The following FHIT variants were observed in gnomAD, a reference collection of about 807,000 sequenced individuals.
FHIT encodes the protein fragile histidine triad diadenosine triphosphatase.
Under a neutral mutation model 17.9 loss-of-function variants are expected in FHIT, and 19 were observed. The observed-to-expected ratio is 1.06, with a 90% CI of 0.74 to 1.56. FHIT has a LOEUF of 1.56. Ranked by LOEUF, FHIT falls within the 40% of genes most tolerant of loss-of-function variation. The pLI, the probability that FHIT is intolerant of heterozygous loss-of-function variation, is 0.00. For missense variants in FHIT, 248 were observed against 189.2 expected (o/e 1.31, Z -1.82); for synonymous variants, 81 against 69.7 (o/e 1.16, Z -0.81).
At chr3:60,351,271 A>G (rs1161775770) in intron 5 of FHIT, among the ~76,000 whole-genome samples, 2 of 152,166 alleles carry the variant, frequency 1.3e-5, no homozygotes, top group Non-Finnish European at 2.9e-5. Flanking sequence ...TTTGACTGAT[A>G]TTTATTTTTT....
chr3:61,052,254 T>A (rs556907770), intron 2 of FHIT, among the ~76,000 whole-genome samples: 1 of 152,230 alleles, frequency 6.6e-6, no homozygotes, highest in African/African-American at 2.4e-5. Context: ...ACTCTGCAGA[T>A]GTACCTATAA....
chr3:61,172,983 G>C (rs990083512), intron 2 of FHIT, among the ~76,000 whole-genome samples: 1 of 152,154 alleles, frequency 6.6e-6, no homozygotes, highest in Non-Finnish European at 1.5e-5. Context: ...CCCTCCACCT[G>C]CAATGAAACA....
At chr3:60,349,348 GAGA>G (rs1376887570) in intron 5 of FHIT, among the ~76,000 whole-genome samples, 1 of 152,078 alleles carries the variant, frequency 6.6e-6, no homozygotes, top group Non-Finnish European at 1.5e-5. Flanking sequence ...CGGATTTTGT[GAGA>G]AGGACAGACA....
At chr3:60,546,508 A>G (rs1159768211) in intron 4 of FHIT, among the ~76,000 whole-genome samples, 2 of 152,098 alleles carry the variant, frequency 1.3e-5, no homozygotes, top group Admixed American at 1.3e-4. Context: ...ATAATGCTTT[A>G]TATGCTTTTT....
At chr3:60,586,716 A>G (rs1482291696) in intron 4 of FHIT, among the ~76,000 whole-genome samples, 1 of 152,040 alleles carries the variant, frequency 6.6e-6, no homozygotes, top group African/African-American at 2.4e-5. Flanking sequence ...GCTGGAGGCC[A>G]TTATACTTAG....
chr3:60,846,986 G>A (rs567060270), intron 3 of FHIT, among the ~76,000 whole-genome samples: 1 of 152,192 alleles, frequency 6.6e-6, no homozygotes, highest in East Asian at 1.9e-4. Flanking sequence ...ACAAAGCCCA[G>A]CTAATTTTTG....
intron 2 of FHIT, among the ~76,000 whole-genome samples, chr3:61,048,921 ACAATGTGAT>A (rs2033918844): frequency 1.3e-5 from 2 of 152,180 alleles, no homozygotes; most frequent in South Asian, 4.2e-4. Flanking sequence ...TAGGAATTGA[ACAATGTGAT>A]CACTTGGACA....
chr3:60,236,650 A>G (rs985109640), intron 5 of FHIT, among the ~76,000 whole-genome samples: 2 of 152,132 alleles, frequency 1.3e-5, no homozygotes, highest in Admixed American at 6.5e-5. Context: ...ATGTTCATGT[A>G]TCCATCTATT....
At chr3:59,909,931 C>T (rs1270697014) in intron 8 of FHIT, among the ~76,000 whole-genome samples, 1 of 152,176 alleles carries the variant, frequency 6.6e-6, no homozygotes, top group African/African-American at 2.4e-5. Flanking sequence ...CTATTTGAAG[C>T]TACAATCTCT....
intron 5 of FHIT, among the ~76,000 whole-genome samples, chr3:60,232,708 A>T (rs1704560608): frequency 6.6e-6 from 1 of 152,146 alleles, no homozygotes; most frequent in African/African-American, 2.4e-5. Context: ...CATCTCCAGT[A>T]TAAGCACCCT....
intron 5 of FHIT, among the ~76,000 whole-genome samples, chr3:60,491,501 A>G (rs900673504): frequency 1.3e-4 from 20 of 152,204 alleles, no homozygotes; most frequent in African/African-American, 4.6e-4. Context: ...TGAAAAATGC[A>G]TATAAAACAC....
At chr3:60,794,027 A>T (rs188494274) in intron 4 of FHIT, among the ~76,000 whole-genome samples, 1 of 152,286 alleles carries the variant, frequency 6.6e-6, no homozygotes, top group Admixed American at 6.5e-5. Flanking sequence ...AGGGTAGAAT[A>T]AGGTTGGAGA....
chr3:61,112,341 C>T (rs1052226533), intron 2 of FHIT, among the ~76,000 whole-genome samples: 1 of 151,858 alleles, frequency 6.6e-6, no homozygotes, highest in Non-Finnish European at 1.5e-5. Context: ...AGACCACCCC[C>T]AGAAAGACAG....
intron 5 of FHIT, among the ~76,000 whole-genome samples, chr3:60,070,808 G>T (rs768008086): frequency 6.6e-6 from 1 of 152,146 alleles, no homozygotes; most frequent in Non-Finnish European, 1.5e-5. Flanking sequence ...CGCCTTTTAG[G>T]TAAATTCCTT....
chr3:60,348,238 C>T (rs138751900), intron 5 of FHIT, among the ~76,000 whole-genome samples: 1 of 152,176 alleles, frequency 6.6e-6, no homozygotes, highest in East Asian at 1.9e-4. Flanking sequence ...AAAGCAATTA[C>T]TTAGCAAAGG....
At chr3:60,523,053 T>C (rs768525378) in intron 5 of FHIT, among the ~76,000 whole-genome samples, 3 of 152,084 alleles carry the variant, frequency 2.0e-5, no homozygotes, top group Non-Finnish European at 4.4e-5. Context: ...AAACTCCTTA[T>C]AAAAACAGCA....
intron 7 of FHIT, among the ~76,000 whole-genome samples, chr3:59,930,180 T>A (rs757473240): frequency 6.6e-6 from 1 of 152,124 alleles, no homozygotes; most frequent in Non-Finnish European, 1.5e-5. Flanking sequence ...TGGGGAGACA[T>A]CAATACTCCA....
intron 5 of FHIT, among the ~76,000 whole-genome samples, chr3:60,054,513 C>A (rs764890117): frequency 3.3e-5 from 5 of 152,136 alleles, no homozygotes; most frequent in Non-Finnish European, 5.9e-5. Flanking sequence ...CAATGAGCAC[C>A]AGGGTTTTCA....
chr3:60,575,716 C>T (rs1466735305), intron 4 of FHIT, among the ~76,000 whole-genome samples: 2 of 152,076 alleles, frequency 1.3e-5, no homozygotes, highest in Non-Finnish European at 1.5e-5. Flanking sequence ...CATACTGCTC[C>T]TATAAGTTAA....
Sources: gnomAD v4.1 joint callset for allele counts (sites outside exome capture counted in the v4.1 genomes callset) on GRCh38, gnomAD v4.1.1 for gene constraint, MANE v1.5 for transcripts, NCBI Gene and HGNC (gene_info 2026-07-23, HGNC 2026-07-21) for gene names.